The following GPC6 variants were observed in gnomAD, a reference collection of about 807,000 sequenced individuals.
The protein encoded by GPC6 is glypican-6.
Under a neutral mutation model 55.2 loss-of-function variants are expected in GPC6, and 14 were observed. That is an observed-to-expected ratio of 0.25 (90% CI 0.17 to 0.40). The LOEUF (loss-of-function observed/expected upper bound fraction) is 0.40, where lower values mean the gene tolerates loss of function less well. GPC6 is among the 10% of genes least tolerant of loss of function. The pLI is 1.00. For missense variants in GPC6, 641 were observed against 708.5 expected (o/e 0.90, Z 1.08); for synonymous variants, 278 against 259.6 (o/e 1.07, Z -0.68).
chr13:94,046,857 T>C (rs1462368214), intron 4 of GPC6, among the ~76,000 whole-genome samples: 1 of 152,142 alleles, frequency 6.6e-6, no homozygotes, highest in South Asian at 2.1e-4. Context: ...CTGCCTTTCT[T>C]AGTTGTTAGG....
At chr13:93,783,440 C>T (rs892428206) in intron 2 of GPC6, among the ~76,000 whole-genome samples, 8 of 152,074 alleles carry the variant, frequency 5.3e-5, no homozygotes, top group Non-Finnish European at 1.0e-4. Flanking sequence ...AATTTACCCT[C>T]CCACCAACAG....
At chr13:93,607,093 T>C (rs183838192) in intron 2 of GPC6, among the ~76,000 whole-genome samples, 75 of 152,308 alleles carry the variant, frequency 4.9e-4, no homozygotes, top group Admixed American at 2.5e-3. Flanking sequence ...GTCTTAGAAA[T>C]CTATGATATA....
At chr13:94,026,843 C>CCAT (rs1882917725) in intron 3 of GPC6, among the ~76,000 whole-genome samples, 1 of 152,042 alleles carries the variant, frequency 6.6e-6, no homozygotes, top group Admixed American at 6.6e-5. Context: ...CCCTATAAAA[C>CCAT]CATCACATCT....
chr13:93,963,859 A>G (rs1258095465), intron 3 of GPC6, among the ~76,000 whole-genome samples: 1 of 152,190 alleles, frequency 6.6e-6, no homozygotes, highest in Non-Finnish European at 1.5e-5. Context: ...CCCACTGACA[A>G]ATGAAATCTG....
intron 1 of GPC6, among the ~76,000 whole-genome samples, chr13:93,481,435 A>C (rs1007871397): frequency 6.6e-6 from 1 of 151,778 alleles, no homozygotes; most frequent in African/African-American, 2.4e-5. Context: ...AATTTTTCAA[A>C]TTTTGTTGTT....
At chr13:93,938,873 G>A (rs1878576439) in intron 3 of GPC6, among the ~76,000 whole-genome samples, 1 of 152,192 alleles carries the variant, frequency 6.6e-6, no homozygotes, top group Admixed American at 6.5e-5. Context: ...GGAGGCTGAG[G>A]TGGGCGGATC....
At chr13:93,887,941 G>A (rs543457147) in intron 3 of GPC6, among the ~76,000 whole-genome samples, 1 of 152,232 alleles carries the variant, frequency 6.6e-6, no homozygotes, top group South Asian at 2.1e-4. Context: ...TGTGGCTTAT[G>A]GCCAGCAGTC....
chr13:93,504,006 C>A lies in GPC6; in HGVS notation c.161-41257C>A, dbSNP rs532229635. ...CGAGAAAAAAAGTTTGATATTTTGCCTTTTTGATTGTTTTTTGATTAAATG... is the reference window on the plus strand; with the variant it reads ...CGAGAAAAAAAGTTTGATATTTTGCATTTTTGATTGTTTTTTGATTAAATG... On this transcript the variant is annotated intron_variant, in intron 1 of 8. Coordinates refer to ENST00000377047, the MANE Select transcript of GPC6 (RefSeq NM_005708.5). 3.3e-5 allele frequency among the ~76,000 whole-genome samples: 5 copies of A among 151,960 alleles called. No individual in the cohort carries two copies. The South Asian group carries it at 1.0e-3, about 32-fold the overall frequency.
At chr13:93,483,895 A>C (rs370653712) in intron 1 of GPC6, among the ~76,000 whole-genome samples, 5 of 152,176 alleles carry the variant, frequency 3.3e-5, no homozygotes, top group African/African-American at 7.2e-5. Flanking sequence ...AATTAGCTAC[A>C]TATTGTGTGC....
intron 2 of GPC6, among the ~76,000 whole-genome samples, chr13:93,625,602 GC>G (rs1879167835): frequency 6.6e-6 from 1 of 152,078 alleles, no homozygotes; most frequent in Non-Finnish European, 1.5e-5. Context: ...AGTGAGAGAT[GC>G]CCTCCCTCTC....
intron 2 of GPC6, among the ~76,000 whole-genome samples, chr13:93,768,734 T>C (rs1273136689): frequency 1.3e-5 from 2 of 152,184 alleles, no homozygotes; most frequent in East Asian, 3.9e-4. Flanking sequence ...TAAAGATAAA[T>C]GCTGGCTTAT....
intron 4 of GPC6, among the ~76,000 whole-genome samples, chr13:94,190,640 C>T (rs184979957): frequency 3.3e-3 from 498 of 152,178 alleles, no homozygotes; most frequent in Middle Eastern, 0.01. Flanking sequence ...CAGTAGGTTA[C>T]GTAAAAGTAT....
intron 4 of GPC6, among the ~76,000 whole-genome samples, chr13:94,269,815 A>C (rs1451320858): frequency 6.6e-6 from 1 of 152,148 alleles, no homozygotes; most frequent in East Asian, 1.9e-4. Context: ...TAGTTGACCA[A>C]ACTAGTCATA....
chr13:93,610,553 G>A (rs1262581342), intron 2 of GPC6, among the ~76,000 whole-genome samples: 2 of 151,904 alleles, frequency 1.3e-5, no homozygotes, highest in African/African-American at 2.4e-5. Flanking sequence ...AAATCATGTT[G>A]GAGGATATAC....
intron 1 of GPC6, among the ~76,000 whole-genome samples, chr13:93,303,859 CA>C (rs902916229): frequency 6.8e-6 from 1 of 147,264 alleles, no homozygotes; most frequent in Non-Finnish European, 1.5e-5. Context: ...ACAGTTTGGG[CA>C]ATGTAGATAC....
intron 1 of GPC6, among the ~76,000 whole-genome samples, chr13:93,363,844 G>A (rs914757333): frequency 2.0e-5 from 3 of 151,898 alleles, no homozygotes; most frequent in Non-Finnish European, 2.9e-5. Flanking sequence ...GTGTGAGATG[G>A]TATCTCATTG....
At chr13:93,614,873 A>C (rs1878649344) in intron 2 of GPC6, among the ~76,000 whole-genome samples, 1 of 151,966 alleles carries the variant, frequency 6.6e-6, no homozygotes, top group African/African-American at 2.4e-5. Context: ...TATTTGTTTT[A>C]TTTTTTATCT....
At chr13:93,989,728 C>G (rs1881206928) in intron 3 of GPC6, among the ~76,000 whole-genome samples, 1 of 152,044 alleles carries the variant, frequency 6.6e-6, no homozygotes, top group South Asian at 2.1e-4. Context: ...ACTGGTCGTT[C>G]TTTAGGCTGT....
intron 2 of GPC6, among the ~76,000 whole-genome samples, chr13:93,812,745 A>G (rs1228949714): frequency 2.0e-5 from 3 of 152,204 alleles, no homozygotes; most frequent in Non-Finnish European, 2.9e-5. Context: ...ACTAATAATA[A>G]TTGGTAATTA....
Sources: allele counts gnomAD v4.1 joint callset (sites outside exome capture counted in the v4.1 genomes callset), GRCh38; gene constraint gnomAD v4.1.1; transcripts MANE v1.5; gene names NCBI Gene and HGNC (gene_info 2026-07-23, HGNC 2026-07-21).